The following ARHGEF16 variants were observed in gnomAD, a reference collection of about 807,000 sequenced individuals.
The protein encoded by ARHGEF16 is Rho guanine nucleotide exchange factor 16.
A neutral mutation model predicts 74.1 loss-of-function variants in ARHGEF16; 59 were observed. That is an observed-to-expected ratio of 0.80 (90% CI 0.65 to 0.99). The LOEUF (loss-of-function observed/expected upper bound fraction) is 0.99. Among genes scored for constraint, ARHGEF16 ranks in the 50% least tolerant of loss-of-function variants. ARHGEF16 has a pLI of 0.00. For synonymous variants in ARHGEF16, 415 were observed against 412.6 expected (o/e 1.01, Z -0.07); for missense variants, 948 against 986.6 (o/e 0.96, Z 0.52).
intron 2 of ARHGEF16, among the ~76,000 whole-genome samples, 184 bp downstream of exon 2, chr1:3,463,856 C>G (rs1639471594): frequency 6.6e-6 from 1 of 152,248 alleles, no homozygotes; most frequent in Non-Finnish European, 1.5e-5. Context: ...TCCCACCTTA[C>G]AGATGAGGCA....
intron 6 of ARHGEF16, among the ~76,000 whole-genome samples, chr1:3,470,835 G>A (rs1056797560): frequency 6.8e-6 from 1 of 147,472 alleles, no homozygotes; most frequent in African/African-American, 2.5e-5. Flanking sequence ...TGTGGGCAGG[G>A]GTGTGTGTGC....
chr1:3,477,867 C>T lies in ARHGEF16; in HGVS notation c.1474-8C>T, dbSNP rs549476650. The T allele has an allele frequency of 2.5e-6, 4 of 1,602,512 alleles. No homozygotes were observed. Among genetic ancestry groups the T allele is most frequent in the African/African-American group, 2.7e-5 (2 of 74,828 alleles). On this transcript the variant is annotated splice_region_variant and splice_polypyrimidine_tract_variant and intron_variant, in intron 10 of 14. Coordinates refer to ENST00000378378, the MANE Select transcript of ARHGEF16 (RefSeq NM_014448.4). ...ACTGATCTCCGCCTCCCGGCTCTGT[C>T]CCCCCAGTCCCTCCCACTGATCTCT...
chr1:3,471,672 C>G (rs1279901778), intron 6 of ARHGEF16: 2 of 1,241,512 alleles, frequency 1.6e-6, no homozygotes, highest in East Asian at 7.9e-5. Context: ...TTGCCTCTGA[C>G]CTCCTCAGGG....
chr1:3,462,101 G>A (rs562797594), intron 1 of ARHGEF16, among the ~76,000 whole-genome samples: 32 of 152,120 alleles, frequency 2.1e-4, no homozygotes, highest in Non-Finnish European at 3.5e-4. Context: ...AGTGTGGCGG[G>A]GGCGGGGCAG....
chr1:3,461,115 A>C (rs1211309924), intron 1 of ARHGEF16, among the ~76,000 whole-genome samples: 1 of 152,162 alleles, frequency 6.6e-6, no homozygotes, highest in Non-Finnish European at 1.5e-5. Flanking sequence ...GGTCATTTTC[A>C]TGTGTGTGAC....
At chr1:3,465,448 G>T (rs913589011) in intron 2 of ARHGEF16, among the ~76,000 whole-genome samples, 1 of 152,126 alleles carries the variant, frequency 6.6e-6, no homozygotes, top group African/African-American at 2.4e-5. Context: ...GAGGCCGAAG[G>T]GGGGCTGGGG....
At chr1:3,466,261 G>A (rs1639540959) in intron 3 of ARHGEF16, 68 bp downstream of exon 3, 5 of 1,485,632 alleles carry the variant, frequency 3.4e-6, no homozygotes, top group Non-Finnish European at 4.5e-6. Flanking sequence ...GGGGCACCCT[G>A]GGGTTCGGGT....
chr1:3,457,091 A>G (rs1639281893), intron 1 of ARHGEF16, among the ~76,000 whole-genome samples: 1 of 152,200 alleles, frequency 6.6e-6, no homozygotes, highest in Non-Finnish European at 1.5e-5. Context: ...GGGGGCCAAA[A>G]CTGCCCCAGT....
At chr1:3,477,850 C>T in intron 10 of ARHGEF16, 25 bp from the exon 11 acceptor site, 1 of 1,611,328 alleles carries the variant, frequency 6.2e-7, no homozygotes, top group Non-Finnish European at 8.5e-7. Context: ...GCACTGATCT[C>T]CGCCTCCCGG....
At position 3,472,443 on chromosome 1, in the gene ARHGEF16, C is replaced by G. The variant is rs960949579; in HGVS notation, c.1023-635C>G. On this transcript the variant is annotated intron_variant, in intron 6 of 14. Coordinates refer to ENST00000378378, the MANE Select transcript of ARHGEF16 (RefSeq NM_014448.4). ...GTCTGCCAAGAGCCCACAGCTGGCC[C>G]CCCCCCGGCCTTGACTGTTCCCTCA... 9.9e-5 allele frequency among the ~76,000 whole-genome samples: 15 copies of G among 152,220 alleles called. 1 individual carries two copies. Among genetic ancestry groups the G allele is most frequent in the Admixed American group, 6.5e-4 (10 of 15,292 alleles).
intron 2 of ARHGEF16, among the ~76,000 whole-genome samples, chr1:3,465,422 G>A (rs1461589146): frequency 1.3e-5 from 2 of 151,690 alleles, no homozygotes; most frequent in Non-Finnish European, 2.9e-5. Context: ...GGAGGCAACA[G>A]CTCCAGCCAG....
chr1:3,470,878 A>G (rs62639716), intron 6 of ARHGEF16, among the ~76,000 whole-genome samples: 4,473 of 39,758 alleles, frequency 0.11, no homozygotes, highest in Middle Eastern at 0.21. Flanking sequence ...GCAGGGGTGT[A>G]TGTGCGTGGG....
intron 4 of ARHGEF16, among the ~76,000 whole-genome samples, chr1:3,467,749 T>C (rs139274943): frequency 0.013 from 1,911 of 152,142 alleles, 17 homozygotes; most frequent in Non-Finnish European, 0.016. Flanking sequence ...ATATCTGAAA[T>C]TGGGGGCCCG....
intron 3 of ARHGEF16, chr1:3,466,901 C>A (rs1344059974): frequency 7.6e-6 from 3 of 395,154 alleles, no homozygotes; most frequent in Non-Finnish European, 1.4e-5. Context: ...AGCAGCGATG[C>A]CCCACGTCTC....
chr1:3,472,964 C>T lies in ARHGEF16; in HGVS notation c.1023-114C>T, dbSNP rs1019744855. On this transcript the variant is annotated intron_variant, in intron 6 of 14. Coordinates refer to ENST00000378378, the MANE Select transcript of ARHGEF16 (RefSeq NM_014448.4). ...TGCTGCCTCTGGGAGCTGAGCTCAG[C>T]TCCTGCCACGTCCATGTATGTGTGA... 11 of 1,237,948 alleles carry T rather than the reference C, an allele frequency of 8.9e-6. No individual in the cohort carries two copies. In the African/African-American group the frequency reaches 1.1e-4, roughly 12 times the overall value. 76.7% of individuals were successfully genotyped at this position (1,237,948 alleles called of 1,614,324 possible). A position where few individuals can be genotyped will look rare whatever the true frequency, so the allele number is the denominator to read the frequency against.
intron 4 of ARHGEF16, 49 bp downstream of exon 4, chr1:3,467,386 C>T: frequency 6.6e-7 from 1 of 1,512,028 alleles, no homozygotes; most frequent in Non-Finnish European, 8.9e-7. Flanking sequence ...AGGGAGAAGC[C>T]ACAGTCCCCC....
intron 12 of ARHGEF16, 150 bp downstream of exon 12, chr1:3,478,762 C>G (rs1297663789): frequency 1.1e-6 from 1 of 907,120 alleles, no homozygotes; most frequent in East Asian, 2.7e-5. Flanking sequence ...GAGGTAGAGC[C>G]AGAAACAACA....
chr1:3,474,594 CT>C, intron 8 of ARHGEF16, 113 bp from the exon 9 acceptor site: 1 of 983,154 alleles, frequency 1.0e-6, no homozygotes, highest in Non-Finnish European at 1.6e-6. Context: ...CAGGAGCCCC[CT>C]GGGGGCAGCT....
chr1:3,468,252 G>C (rs1639603538), intron 4 of ARHGEF16, among the ~76,000 whole-genome samples: 1 of 152,210 alleles, frequency 6.6e-6, no homozygotes, highest in Admixed American at 6.5e-5. Context: ...CCTTGGCCCA[G>C]GCGCTGTTGG....
Sources: gnomAD v4.1 joint callset for allele counts (sites outside exome capture counted in the v4.1 genomes callset) on GRCh38, gnomAD v4.1.1 for gene constraint, MANE v1.5 for transcripts, NCBI Gene and HGNC (gene_info 2026-07-23, HGNC 2026-07-21) for gene names.